The following CARS1 variants were observed in gnomAD, a reference collection of about 807,000 sequenced individuals.
CARS1 encodes cysteine--tRNA ligase, cytoplasmic.
Under a neutral mutation model 106.2 loss-of-function variants are expected in CARS1, and 48 were observed. That is an observed-to-expected ratio of 0.45 (90% CI 0.36 to 0.57). The LOEUF (loss-of-function observed/expected upper bound fraction) is 0.57. CARS1 is among the 20% of genes least tolerant of loss of function. CARS1 has a pLI of 0.00. For synonymous variants in CARS1, 409 were observed against 403.4 expected (o/e 1.01, Z -0.17); for missense variants, 968 against 1,057.2 (o/e 0.92, Z 1.17).
Position 3,038,641 on chromosome 11 carries a change from C to T in CARS1, c.652-442G>A, listed in dbSNP as rs1040391423. 6.6e-6 allele frequency among the ~76,000 whole-genome samples: 1 copy of T among 152,128 alleles called. No homozygotes were observed. The highest frequency in any genetic ancestry group is 1.5e-5 in the Non-Finnish European group (1 of 68,022). On this transcript the variant is annotated intron_variant, in intron 6 of 22. Coordinates refer to ENST00000380525, the MANE Select transcript of CARS1 (RefSeq NM_001014437.3). This position sits in a 1 kb window ranked among gnomAD's most constrained non-coding sequence, Gnocchi z 4.0. ...AATTCCAGAGATAAAATGCCATAAGCATATCCATAATGATTACTGTAATTA... is the reference window on the plus strand; with the variant it reads ...AATTCCAGAGATAAAATGCCATAAGTATATCCATAATGATTACTGTAATTA...
At chr11:3,014,317 TC>T (rs1262607976) in intron 17 of CARS1, among the ~76,000 whole-genome samples, 1 of 152,198 alleles carries the variant, frequency 6.6e-6, no homozygotes, top group Non-Finnish European at 1.5e-5. Flanking sequence ...CCTCCCTTGC[TC>T]CTAAAACCAT....
chr11:3,057,318 A>G lies in CARS1; in HGVS notation c.25+25T>C, dbSNP rs778116977. 3 of 1,604,726 alleles carry G rather than the reference A, an allele frequency of 1.9e-6. No individual in the cohort carries two copies. The South Asian group carries it at 3.3e-5, about 18-fold the overall frequency. On this transcript the variant is annotated intron_variant, in intron 1 of 22. Transcript: ENST00000380525. Reference sequence around the variant, plus strand: ...CCCAGTCAGGCCCCCAGCCGCCCTCAGCCTGGCCCGGCCGCGCCGCTCACC... The same window carrying G: ...CCCAGTCAGGCCCCCAGCCGCCCTCGGCCTGGCCCGGCCGCGCCGCTCACC...
At chr11:3,009,606 C>A (rs1565022366) in intron 18 of CARS1, 1 of 152,276 alleles carries the variant, frequency 6.6e-6, no homozygotes, top group Non-Finnish European at 1.5e-5. Flanking sequence ...ATGGCATCAT[C>A]TCCCCAGTGC....
chr11:3,025,122 G>A (rs1452078415), intron 10 of CARS1, among the ~76,000 whole-genome samples: 2 of 152,094 alleles, frequency 1.3e-5, no homozygotes, highest in Non-Finnish European at 2.9e-5. Context: ...TCACAAACCC[G>A]CCCCTCTACT....
intron 19 of CARS1, 144 bp from the exon 20 acceptor site, chr11:3,005,577 A>T: frequency 1.6e-6 from 1 of 609,086 alleles, no homozygotes; most frequent in South Asian, 2.2e-5. Flanking sequence ...AACAAACAAA[A>T]ACCTCCATAG....
Position 3,019,774 on chromosome 11 carries a change from G to A in CARS1, c.1266+446C>T, listed in dbSNP as rs940409222. Among the ~76,000 whole-genome samples the A allele has an allele frequency of 3.3e-5, 5 of 151,900 alleles. No individual in the cohort carries two copies. Among genetic ancestry groups the A allele is most frequent in the African/African-American group, 4.8e-5 (2 of 41,400 alleles). ...TTCATAAACCGGTCCTATGTGGGCC[G>A]AGGTTTAGGTGAAGTTACTGAATTA... is the stretch of plus-strand genomic sequence containing the variant. On this transcript the variant is annotated intron_variant, in intron 11 of 22. Transcript: ENST00000380525. This position sits in a 1 kb window ranked among gnomAD's most constrained non-coding sequence, Gnocchi z 6.2.
chr11:3,006,916 G>T lies in CARS1; in HGVS notation c.2112C>A (p.Ile704=). 1 of 1,614,110 alleles carries T rather than the reference G, an allele frequency of 6.2e-7. No homozygotes were observed. The highest frequency in any genetic ancestry group is 2.2e-5 in the East Asian group (1 of 44,890). Residue 704 remains isoleucine (I), a synonymous_variant, in exon 19 of 23, where the codon ATC becomes ATA. Coordinates refer to ENST00000380525, the MANE Select transcript of CARS1 (RefSeq NM_001014437.3). Reference sequence around the variant, plus strand: ...CAAACCGCACCCCAAGCTCGGGCAGGATGTTGTCCCGCAGGGCATCGCTGA... The same window carrying T: ...CAAACCGCACCCCAAGCTCGGGCAGTATGTTGTCCCGCAGGGCATCGCTGA... The part of the protein sequence containing the change: ...LQLSDALRDN[I]LPELGVRFED...
chr11:3,038,265 G>A lies in CARS1; in HGVS notation c.652-66C>T. The A allele has an allele frequency of 6.9e-7, 1 of 1,453,716 alleles. No homozygotes were observed. The highest frequency in any genetic ancestry group is 9.6e-7 in the Non-Finnish European group (1 of 1,043,374). The allele number at this position is 1,453,716 out of a possible 1,614,324, so 90.1% of individuals were successfully genotyped here. On this transcript the variant is annotated intron_variant, in intron 6 of 22. Coordinates refer to ENST00000380525, the MANE Select transcript of CARS1 (RefSeq NM_001014437.3). This position sits in a 1 kb window ranked among gnomAD's most constrained non-coding sequence, Gnocchi z 4.0. The stretch of plus-strand genomic sequence containing the variant: ...CAGCAAAACCTAAATTCATAAAGGT[G>A]ATTCCAGGTAGAAAACAGAACGGTT...
At position 3,022,851 on chromosome 11, in the gene CARS1, T is replaced by C. The variant is rs1000659088; in HGVS notation, c.1154-2519A>G. Among the ~76,000 whole-genome samples the C allele has an allele frequency of 2.0e-5, 3 of 152,096 alleles. No homozygotes were observed. Among genetic ancestry groups the C allele is most frequent in the Non-Finnish European group, 4.4e-5 (3 of 68,016 alleles). Reference sequence around the variant, plus strand: ...TTGGGCCCCAGCATCACCCCTCCCCTTTTCCTCTACCATTAGAGTCCCCAT... The same window carrying C: ...TTGGGCCCCAGCATCACCCCTCCCCCTTTCCTCTACCATTAGAGTCCCCAT... On this transcript the variant is annotated intron_variant, in intron 10 of 22. Coordinates refer to ENST00000380525, the MANE Select transcript of CARS1 (RefSeq NM_001014437.3). The surrounding 1 kb of genome is among the most constrained non-coding windows in gnomAD (Gnocchi z 4.9).
In CARS1 at chr11:3,048,389, T is replaced by C. The variant is rs1028411612; in HGVS notation, c.26-388A>G. On this transcript the variant is annotated intron_variant, in intron 1 of 22. Coordinates refer to ENST00000380525, the MANE Select transcript of CARS1 (RefSeq NM_001014437.3). The surrounding 1 kb of genome is among the most constrained non-coding windows in gnomAD (Gnocchi z 5.1). ...AAAGCAGGAACACAGTTCCACACCA[T>C]CACAAATTACACAGTTCAGTTTCTG... 2 of 178,976 alleles carry C rather than the reference T, an allele frequency of 1.1e-5. No individual in the cohort carries two copies. Among genetic ancestry groups the C allele is most frequent in the Non-Finnish European group, 2.4e-5 (2 of 83,508 alleles). The allele number at this position is 178,976 out of a possible 1,614,324, so 11.1% of individuals were successfully genotyped here. A position where few individuals can be genotyped will look rare whatever the true frequency, so the allele number is the denominator to read the frequency against.
chr11:3,019,066 G>C lies in CARS1; in HGVS notation c.1395+73C>G. The C allele has an allele frequency of 6.8e-7, 1 of 1,463,156 alleles. No individual in the cohort carries two copies. 90.6% of individuals were successfully genotyped at this position (1,463,156 alleles called of 1,614,324 possible). A position where few individuals can be genotyped will look rare whatever the true frequency, so the allele number is the denominator to read the frequency against. ...GTGAGAGAGGCCCTTCTGAGGCCTG[G>C]GCTGACTTTTCCTCCACTGCAGTAT... On this transcript the variant is annotated intron_variant, in intron 12 of 22. Transcript: ENST00000380525. The surrounding 1 kb of genome is among the most constrained non-coding windows in gnomAD (Gnocchi z 6.2).
chr11:3,049,219 A>G (rs1218669606), intron 1 of CARS1, among the ~76,000 whole-genome samples: 2 of 151,766 alleles, frequency 1.3e-5, no homozygotes, highest in Non-Finnish European at 2.9e-5. Context: ...GGCTCAAGTG[A>G]CCCTCCAGCC....
chr11:3,016,191 G>A (rs967663928), intron 16 of CARS1, among the ~76,000 whole-genome samples: 7 of 151,884 alleles, frequency 4.6e-5, no homozygotes, highest in Admixed American at 4.6e-4. Context: ...GATGTGTTCA[G>A]AGAGGAGGCC....
In CARS1 at chr11:3,033,432, T is replaced by C. The variant is rs1270283138; in HGVS notation, c.802-3989A>G. On this transcript the variant is annotated intron_variant, in intron 7 of 22. Transcript: ENST00000380525. ...AATAAGTTAATATGAAAAAGTACCA[T>C]CCAATTTAAATTTGGAAATTTAAAA... Among the ~76,000 whole-genome samples the C allele has an allele frequency of 3.9e-5, 6 of 152,312 alleles. No homozygotes were observed. In the South Asian group the frequency reaches 1.2e-3, roughly 32 times the overall value.
In CARS1 at chr11:3,037,974, C is replaced by T. The variant is rs573148014; in HGVS notation, c.801+76G>A. On this transcript the variant is annotated intron_variant, in intron 7 of 22. Coordinates refer to ENST00000380525, the MANE Select transcript of CARS1 (RefSeq NM_001014437.3). This position sits in a 1 kb window ranked among gnomAD's most constrained non-coding sequence, Gnocchi z 5.9. Reference sequence around the variant, plus strand: ...ACTAAGACAATCTGTGGAATCAATCCGTGCACACAGATCAGTCTATGCACG... The same window carrying T: ...ACTAAGACAATCTGTGGAATCAATCTGTGCACACAGATCAGTCTATGCACG... 23 of 1,376,860 alleles carry T rather than the reference C, an allele frequency of 1.7e-5. No individual in the cohort carries two copies. Among genetic ancestry groups the T allele is most frequent in the South Asian group, 3.9e-5 (3 of 76,910 alleles). The allele number at this position is 1,376,860 out of a possible 1,614,324, so 85.3% of individuals were successfully genotyped here.
chr11:3,033,066 A>G (rs182434869), intron 7 of CARS1, among the ~76,000 whole-genome samples: 2 of 151,918 alleles, frequency 1.3e-5, no homozygotes, highest in African/African-American at 4.8e-5. Context: ...TTTTTTTCTA[A>G]AAAGTGAAAA....
chr11:3,001,741 A>C (rs747614947), intron 22 of CARS1, among the ~76,000 whole-genome samples: 1 of 152,164 alleles, frequency 6.6e-6, no homozygotes, highest in Non-Finnish European at 1.5e-5. Context: ...ACCAGAGCTC[A>C]CCACACCAGT....
rs1328857749 is a variant in CARS1 at position 3,034,500 on chromosome 11, C to T, written c.801+3550G>A. Reference sequence around the variant, plus strand: ...CCTCCCAAAGTGCTAGGATTACAGGCGTGACCCACTGCGCCTGGCCGGGAA... The same window carrying T: ...CCTCCCAAAGTGCTAGGATTACAGGTGTGACCCACTGCGCCTGGCCGGGAA... On this transcript the variant is annotated intron_variant, in intron 7 of 22. Transcript: ENST00000380525. This position sits in a 1 kb window ranked among gnomAD's most constrained non-coding sequence, Gnocchi z 6.3. 1.3e-5 allele frequency among the ~76,000 whole-genome samples: 2 copies of T among 152,002 alleles called. No individual in the cohort carries two copies. Among genetic ancestry groups the T allele is most frequent in the East Asian group, 1.9e-4 (1 of 5,152 alleles).
At chr11:3,010,348 G>GC (rs1353174009) in intron 18 of CARS1, among the ~76,000 whole-genome samples, 2 of 152,234 alleles carry the variant, frequency 1.3e-5, no homozygotes, top group African/African-American at 4.8e-5. Flanking sequence ...AGGTGGAAAT[G>GC]CCCAGGCGAC....
Sources: allele counts gnomAD v4.1 joint callset (sites outside exome capture counted in the v4.1 genomes callset), GRCh38; gene constraint gnomAD v4.1.1; non-coding constraint Gnocchi (gnomAD v3.1); transcripts MANE v1.5; gene names NCBI Gene and HGNC (gene_info 2026-07-23, HGNC 2026-07-21).